The following NEO1 variants were observed in gnomAD, a reference collection of about 807,000 sequenced individuals.
NEO1 encodes the protein neogenin.
NEO1 carries 63 observed loss-of-function variants against 159.7 expected under a neutral mutation model. The observed-to-expected ratio is 0.39, with a 90% CI of 0.32 to 0.49. The LOEUF (loss-of-function observed/expected upper bound fraction) is 0.49, where lower values mean the gene tolerates loss of function less well. NEO1 is among the 20% of genes least tolerant of loss of function. The pLI, the probability that NEO1 is intolerant of heterozygous loss-of-function variation, is 0.85. For missense variants in NEO1, 1,615 were observed against 1,831.0 expected, an observed-to-expected ratio of 0.88 and a Z score of 2.15; for synonymous variants, 633 against 662.0, an observed-to-expected ratio of 0.96 and a Z score of 0.67.
chr15:73,079,651 T>C (rs893316637), intron 1 of NEO1, among the ~76,000 whole-genome samples: 3 of 152,232 alleles, frequency 2.0e-5, no homozygotes, highest in Non-Finnish European at 2.9e-5. Flanking sequence ...CAACAGCCTA[T>C]TGGAAGTACT....
chr15:73,240,331 A>G (rs2039430148), intron 8 of NEO1, among the ~76,000 whole-genome samples: 1 of 152,174 alleles, frequency 6.6e-6, no homozygotes, highest in Non-Finnish European at 1.5e-5. Flanking sequence ...TAGTTGGAAG[A>G]GATACAGAAG....
chr15:73,292,980 T>C (rs1393849969), intron 25 of NEO1, among the ~76,000 whole-genome samples: 1 of 152,254 alleles, frequency 6.6e-6, no homozygotes, highest in Non-Finnish European at 1.5e-5. Context: ...AGAAAATTTA[T>C]GTGTTGGCTT....
chr15:73,227,209 G>A (rs535225430), intron 7 of NEO1, among the ~76,000 whole-genome samples: 1 of 152,066 alleles, frequency 6.6e-6, no homozygotes, highest in Non-Finnish European at 1.5e-5. Flanking sequence ...TATAAAGCCG[G>A]GTCAGGCCGG....
At chr15:73,061,284 G>T (rs933318532) in intron 1 of NEO1, among the ~76,000 whole-genome samples, 1 of 152,210 alleles carries the variant, frequency 6.6e-6, no homozygotes, top group Admixed American at 6.5e-5. Context: ...GGAAGTTACT[G>T]TCTCAGCCAA....
chr15:73,175,452 C>T (rs1349982030), intron 5 of NEO1, among the ~76,000 whole-genome samples: 2 of 152,156 alleles, frequency 1.3e-5, no homozygotes, highest in Non-Finnish European at 1.5e-5. Context: ...GAGAGATAAA[C>T]CTGTGTTCAG....
At chr15:73,168,390 G>C (rs1431100736) in intron 5 of NEO1, among the ~76,000 whole-genome samples, 2 of 106,322 alleles carry the variant, frequency 1.9e-5, no homozygotes, top group East Asian at 6.2e-4. Context: ...GGGGGGGGGG[G>C]GTCTCACCAT....
intron 1 of NEO1, among the ~76,000 whole-genome samples, chr15:73,093,400 T>C (rs192233433): frequency 6.6e-6 from 1 of 152,322 alleles, no homozygotes; most frequent in Non-Finnish European, 1.5e-5. Context: ...GGTGTTTCTA[T>C]GTGAATTATT....
intron 7 of NEO1, among the ~76,000 whole-genome samples, chr15:73,233,075 A>G (rs919427784): frequency 2.0e-5 from 3 of 152,104 alleles, no homozygotes; most frequent in African/African-American, 7.2e-5. Context: ...TCATGCCAGG[A>G]GTCTAAAGTC....
chr15:73,174,543 T>C (rs1038789794), intron 5 of NEO1, among the ~76,000 whole-genome samples: 1 of 152,044 alleles, frequency 6.6e-6, no homozygotes, highest in Non-Finnish European at 1.5e-5. Context: ...CATTATTGGG[T>C]CTTTCACAAT....
chr15:73,140,585 A>T (rs2151774741), intron 5 of NEO1, among the ~76,000 whole-genome samples: 1 of 152,304 alleles, frequency 6.6e-6, no homozygotes, highest in South Asian at 2.1e-4. Flanking sequence ...AACTGTACAC[A>T]GAAATACCCT....
At chr15:73,285,309 AG>A (rs1487897909) in intron 23 of NEO1, among the ~76,000 whole-genome samples, 1 of 151,590 alleles carries the variant, frequency 6.6e-6, no homozygotes, top group African/African-American at 2.4e-5. Context: ...TAGTAGAGAC[AG>A]GGTTTCACCA....
chr15:73,243,461 A>G (rs1197806009), intron 8 of NEO1, among the ~76,000 whole-genome samples: 1 of 152,204 alleles, frequency 6.6e-6, no homozygotes, highest in African/African-American at 2.4e-5. Flanking sequence ...TCCTCACATG[A>G]ATGACAGTTC....
intron 27 of NEO1, among the ~76,000 whole-genome samples, 169 bp from the exon 28 acceptor site, chr15:73,301,152 C>T (rs548470765): frequency 6.6e-6 from 1 of 152,284 alleles, no homozygotes; most frequent in Non-Finnish European, 1.5e-5. Flanking sequence ...TCATGAATGC[C>T]CTGCTATCTC....
intron 1 of NEO1, among the ~76,000 whole-genome samples, chr15:73,093,990 A>G (rs775592626): frequency 5.3e-5 from 8 of 152,188 alleles, no homozygotes; most frequent in Non-Finnish European, 1.5e-5. Context: ...AACATGCTCC[A>G]GACTCATCAT....
intron 1 of NEO1, among the ~76,000 whole-genome samples, chr15:73,085,239 T>C (rs989226531): frequency 6.6e-6 from 1 of 152,124 alleles, no homozygotes; most frequent in African/African-American, 2.4e-5. Flanking sequence ...TGGGGCTGGC[T>C]TCTTTCACCA....
At chr15:73,155,261 G>A (rs1182050273) in intron 5 of NEO1, among the ~76,000 whole-genome samples, 1 of 151,992 alleles carries the variant, frequency 6.6e-6, no homozygotes, top group Admixed American at 6.6e-5. Flanking sequence ...TTTCCTTACT[G>A]CACTTTGAAA....
chr15:73,198,976 A>G (rs897486725), intron 7 of NEO1, among the ~76,000 whole-genome samples: 10 of 150,326 alleles, frequency 6.7e-5, no homozygotes, highest in African/African-American at 2.2e-4. Flanking sequence ...TTTACTTACA[A>G]AAGTTCAAAC....
intron 7 of NEO1, among the ~76,000 whole-genome samples, chr15:73,202,915 A>G (rs1008354584): frequency 2.6e-5 from 4 of 152,216 alleles, no homozygotes; most frequent in Non-Finnish European, 5.9e-5. Context: ...TTACCATAAT[A>G]TCCTCAAGGT....
At chr15:73,207,968 C>T (rs911868403) in intron 7 of NEO1, among the ~76,000 whole-genome samples, 3 of 152,186 alleles carry the variant, frequency 2.0e-5, no homozygotes, top group Middle Eastern at 3.4e-3. Context: ...ATTATACTTA[C>T]GTCAATAAAG....
Sources: gnomAD v4.1 joint callset for allele counts (sites outside exome capture counted in the v4.1 genomes callset) on GRCh38, gnomAD v4.1.1 for gene constraint, MANE v1.5 for transcripts, NCBI Gene and HGNC (gene_info 2026-07-23, HGNC 2026-07-21) for gene names.